Variants in SCHIP1 observed in about 807,000 individuals in gnomAD.
SCHIP1 encodes the protein schwannomin-interacting protein 1.
Under a neutral mutation model 29.7 loss-of-function variants are expected in SCHIP1, and 8 were observed. The observed-to-expected ratio is 0.27, with a 90% CI of 0.16 to 0.49. The LOEUF is 0.49. SCHIP1 is among the 20% of genes least tolerant of loss of function. SCHIP1 has a pLI of 0.99. For synonymous variants in SCHIP1, 76 were observed against 94.9 expected (o/e 0.80, Z 1.16); for missense variants, 193 against 294.6 (o/e 0.66, Z 2.52).
chr3:159,763,426 G>A, the SCHIP1 span, among the ~76,000 whole-genome samples: 8 of 152,106 alleles, frequency 5.3e-5, no homozygotes, highest in Non-Finnish European at 1.5e-5. Flanking sequence ...CTTGAGGCAA[G>A]CCAAGAAAAT....
chr3:159,497,410 A>C, the SCHIP1 span, among the ~76,000 whole-genome samples: 1 of 151,952 alleles, frequency 6.6e-6, no homozygotes, highest in Non-Finnish European at 1.5e-5. Context: ...TTGAGGGCCT[A>C]AGATGTGTCT....
At chr3:159,335,842 C>A in the SCHIP1 span, among the ~76,000 whole-genome samples, 1 of 152,136 alleles carries the variant, frequency 6.6e-6, no homozygotes, top group Non-Finnish European at 1.5e-5. Flanking sequence ...GATTTATAGT[C>A]CTTTGGATAT....
chr3:159,300,810 G>T, the SCHIP1 span, among the ~76,000 whole-genome samples: 104 of 152,064 alleles, frequency 6.8e-4, no homozygotes, highest in Non-Finnish European at 1.1e-3. Flanking sequence ...CCCTCTGTGG[G>T]GTTAATTCGC....
chr3:159,415,993 TG>T, the SCHIP1 span, among the ~76,000 whole-genome samples: 1 of 151,114 alleles, frequency 6.6e-6, no homozygotes, highest in Non-Finnish European at 1.5e-5. Flanking sequence ...TAAAAGGTGC[TG>T]ATCAGAGTAT....
At chr3:159,436,952 GTGATCAACTCC>G in the SCHIP1 span, among the ~76,000 whole-genome samples, 1 of 152,062 alleles carries the variant, frequency 6.6e-6, no homozygotes, top group Non-Finnish European at 1.5e-5. Flanking sequence ...CATGGTGAGG[GTGATCAACTCC>G]TTCTAATTCT....
At chr3:159,406,298 C>A in the SCHIP1 span, among the ~76,000 whole-genome samples, 2 of 152,152 alleles carry the variant, frequency 1.3e-5, no homozygotes, top group African/African-American at 4.8e-5. Context: ...CCTTACAGGG[C>A]AGGAGAAGGT....
At chr3:159,649,652 A>AT in the SCHIP1 span, among the ~76,000 whole-genome samples, 1 of 152,224 alleles carries the variant, frequency 6.6e-6, no homozygotes, top group Non-Finnish European at 1.5e-5. Context: ...AATGCAAATA[A>AT]TTTCAGCAAA....
At chr3:159,509,070 T>G in the SCHIP1 span, among the ~76,000 whole-genome samples, 1 of 152,208 alleles carries the variant, frequency 6.6e-6, no homozygotes, top group African/African-American at 2.4e-5. Context: ...CAGTGGGGTG[T>G]TAAAGTCTCC....
chr3:159,853,160 C>A, intron 1 of SCHIP1: 1 of 417,974 alleles, frequency 2.4e-6, no homozygotes, highest in Non-Finnish European at 4.2e-6. Flanking sequence ...CCTCAGAAAA[C>A]AGCAGCTGCC....
At chr3:159,787,819 T>A in the SCHIP1 span, among the ~76,000 whole-genome samples, 1 of 152,118 alleles carries the variant, frequency 6.6e-6, no homozygotes, top group East Asian at 1.9e-4. Flanking sequence ...AGTTGGCCCT[T>A]AAGTCCTCCC....
At chr3:159,515,198 T>TA in the SCHIP1 span, among the ~76,000 whole-genome samples, 22,016 of 142,994 alleles carry the variant, frequency 0.15, 1,709 homozygotes, top group African/African-American at 0.23. Context: ...AAGTGGTTAT[T>TA]AAAAAAAAAA....
rs116130479 is a variant in SCHIP1 at position 159,843,680 on chromosome 3, G to A, written c.30+3466G>A. On this transcript the variant is annotated intron_variant, in intron 1 of 6. Coordinates refer to ENST00000445224, the Ensembl canonical transcript of SCHIP1. ...CTAAAAAAAATACAAAAAATCAGCC[G>A]GCCAAGGTGGCGGGCACCTGTAGTC... 4.6e-3 allele frequency among the ~76,000 whole-genome samples: 696 copies of A among 151,924 alleles called. 8 individuals are homozygous for A. The highest frequency in any genetic ancestry group is 0.016 in the African/African-American group (667 of 41,430).
At chr3:159,540,985 A>G in the SCHIP1 span, among the ~76,000 whole-genome samples, 1 of 152,104 alleles carries the variant, frequency 6.6e-6, no homozygotes, top group Non-Finnish European at 1.5e-5. Context: ...ACAAGGAGCA[A>G]TAACAAAAAG....
At chr3:159,390,190 A>G in the SCHIP1 span, among the ~76,000 whole-genome samples, 1 of 152,102 alleles carries the variant, frequency 6.6e-6, no homozygotes, top group African/African-American at 2.4e-5. Context: ...TTATATTTGC[A>G]TGAGAGTCAG....
chr3:159,427,362 C>CA, the SCHIP1 span, among the ~76,000 whole-genome samples: 1 of 151,748 alleles, frequency 6.6e-6, no homozygotes, highest in African/African-American at 2.4e-5. Flanking sequence ...TCTCAGGATA[C>CA]AAAATCAATG....
chr3:159,600,119 C>T, the SCHIP1 span, among the ~76,000 whole-genome samples: 2 of 152,094 alleles, frequency 1.3e-5, no homozygotes, highest in African/African-American at 4.8e-5. Flanking sequence ...GACTAGGCAC[C>T]TTTTTCATGT....
the SCHIP1 span, among the ~76,000 whole-genome samples, chr3:159,674,391 G>T: frequency 1.3e-5 from 2 of 152,012 alleles, no homozygotes; most frequent in Non-Finnish European, 2.9e-5. Context: ...CCCTGAGAGG[G>T]CATCTGGACA....
chr3:159,480,903 A>G, the SCHIP1 span, among the ~76,000 whole-genome samples: 1 of 152,102 alleles, frequency 6.6e-6, no homozygotes, highest in Non-Finnish European at 1.5e-5. Flanking sequence ...GGGTCAGCGA[A>G]GGGAGATAGG....
At chr3:159,881,221 A>G (rs1269238434) in intron 2 of SCHIP1, among the ~76,000 whole-genome samples, 1 of 152,264 alleles carries the variant, frequency 6.6e-6, no homozygotes, top group Non-Finnish European at 1.5e-5. Context: ...GAGTAGTTAC[A>G]ATCCATATTT....
Sources: allele counts gnomAD v4.1 joint callset (sites outside exome capture counted in the v4.1 genomes callset), GRCh38; gene constraint gnomAD v4.1.1; transcripts MANE v1.5; gene names NCBI Gene and HGNC (gene_info 2026-07-23, HGNC 2026-07-21).